Variants in C1S observed in about 807,000 individuals in gnomAD.
C1S encodes complement C1s.
A neutral mutation model predicts 54.0 loss-of-function variants in C1S; 31 were observed. The ratio of observed to expected loss-of-function variants is 0.57; its 90% CI spans 0.43 to 0.78. The LOEUF (loss-of-function observed/expected upper bound fraction) is 0.78, where lower values mean the gene tolerates loss of function less well. Among genes scored for constraint, C1S ranks in the 30% least tolerant of loss-of-function variants. The pLI is 0.00. For missense variants in C1S, 727 were observed against 851.8 expected (o/e 0.85, Z 1.82); for synonymous variants, 292 against 303.6 (o/e 0.96, Z 0.40).
In C1S at chr12:7,070,455, G is replaced by A. The variant is rs1565625171; in HGVS notation, c.1871G>A (p.Gly624Asp). Reference sequence around the variant, plus strand: ...ATGATCTGTGCTGGAGGAGAGAAGGGCATGGATAGCTGTAAAGGGGACAGT... The same window carrying A: ...ATGATCTGTGCTGGAGGAGAGAAGGACATGGATAGCTGTAAAGGGGACAGT... ...PNMICAGGEK[G>D]MDSCKGDSGG... The change falls in exon 12 of 12, where the codon GGC becomes GAC. Residue 624 changes from glycine to aspartate, a missense_variant. Around this residue, in one of 3 missense-constraint regions of C1S, gnomAD observed 360 missense variants for 453.6 expected, o/e 0.79. Transcript: ENST00000360817. This position sits in a 1 kb window ranked among gnomAD's most constrained non-coding sequence, Gnocchi z 4.9. 2 of 1,614,226 alleles carry A rather than the reference G, an allele frequency of 1.2e-6. No homozygotes were observed. The highest frequency in any genetic ancestry group is 1.7e-6 in the Non-Finnish European group (2 of 1,180,040).
Position 7,064,349 on chromosome 12 carries a change from C to T in C1S, c.474C>T (p.Cys158=), listed in dbSNP as rs782133917. 9 of 1,613,838 alleles carry T rather than the reference C, an allele frequency of 5.6e-6. No individual in the cohort carries two copies. The South Asian group carries it at 9.9e-5, about 18-fold the overall frequency. ...TCATTGGTGGTTACTTCTGCTCCTGCCCCCCGGAATATTTCCTCCATGATG... is the reference window on the plus strand; with the variant it reads ...TCATTGGTGGTTACTTCTGCTCCTGTCCCCCGGAATATTTCCTCCATGATG... ...NNFIGGYFCS[C]PPEYFLHDDM... Residue 158 remains cysteine (C), a synonymous_variant, in exon 5 of 12, where the codon TGC becomes TGT. Transcript: ENST00000360817.
At chr12:7,069,446 T>C (rs782095446) in intron 11 of C1S, among the ~76,000 whole-genome samples, 1 of 152,334 alleles carries the variant, frequency 6.6e-6, no homozygotes, top group East Asian at 1.9e-4. Context: ...GGCAGAAATC[T>C]TTCCTCCTCC....
chr12:7,064,849 G>T (rs943330645), intron 5 of C1S, among the ~76,000 whole-genome samples: 1 of 152,122 alleles, frequency 6.6e-6, no homozygotes, highest in Non-Finnish European at 1.5e-5. Context: ...GCCTGTAAAG[G>T]GTCTACTGGG....
At chr12:7,068,773 A>C (rs1184394038) in intron 11 of C1S, 3 of 560,542 alleles carry the variant, frequency 5.4e-6, no homozygotes, top group Non-Finnish European at 9.6e-6. Context: ...GGTGTCTGGT[A>C]ATGTAGCTGC....
At chr12:7,063,131 A>G in intron 4 of C1S, 64 bp downstream of exon 4, 1 of 1,385,738 alleles carries the variant, frequency 7.2e-7, no homozygotes, top group Non-Finnish European at 1.0e-6. Flanking sequence ...TGAGAAATCC[A>G]CTGAGCAACA....
Position 7,064,272 on chromosome 12 carries a change from A to C in C1S, c.397A>C (p.Asn133His), listed in dbSNP as rs1457163464. The C allele has an allele frequency of 1.2e-6, 2 of 1,613,924 alleles. No individual in the cohort carries two copies. Among genetic ancestry groups the C allele is most frequent in the Non-Finnish European group, 1.7e-6 (2 of 1,179,952 alleles). The change falls in exon 5 of 12, where the codon AAT (asparagine) becomes CAT (histidine). Residue 133 changes from asparagine (N) to histidine (H), a missense_variant. Transcript: ENST00000360817. The part of the protein sequence containing the change: ...FAAYYVATDI[N>H]ECTDFVDVPC... ...CCTCTTTCTACTCTTTGTAGACATA[A>C]ATGAATGCACAGATTTTGTAGATGT...
chr12:7,066,427 T>C (rs1937658314), intron 7 of C1S, 91 bp from the exon 8 acceptor site: 1 of 805,610 alleles, frequency 1.2e-6, no homozygotes, highest in East Asian at 2.5e-5. Context: ...AACTGGACGA[T>C]TTTAGAAAGT....
chr12:7,067,988 A>G (rs1937721880), intron 10 of C1S, among the ~76,000 whole-genome samples: 1 of 152,218 alleles, frequency 6.6e-6, no homozygotes, highest in African/African-American at 2.4e-5. Context: ...TCACCAACTG[A>G]GTTCACAGCT....
In C1S at chr12:7,062,879, T is replaced by A; in HGVS notation, c.214-11T>A. The A allele has an allele frequency of 6.2e-7, 1 of 1,613,196 alleles. No homozygotes were observed. The highest frequency in any genetic ancestry group is 8.5e-7 in the Non-Finnish European group (1 of 1,179,660). ...CTTTCCTAGATTTTTTTTTTGTGACTCTTCTCTTAGATAATCTCAGGAGAC... is the reference window on the plus strand; with the variant it reads ...CTTTCCTAGATTTTTTTTTTGTGACACTTCTCTTAGATAATCTCAGGAGAC... On this transcript the variant is annotated splice_polypyrimidine_tract_variant and intron_variant, in intron 3 of 11. Coordinates refer to ENST00000360817, the MANE Select transcript of C1S (RefSeq NM_001734.5).
intron 11 of C1S, among the ~76,000 whole-genome samples, chr12:7,069,287 G>A (rs990878950): frequency 3.3e-5 from 5 of 152,158 alleles, no homozygotes; most frequent in Admixed American, 2.0e-4. Flanking sequence ...AATGGTAATG[G>A]CACCAGTCAC....
At chr12:7,066,807 C>T in intron 8 of C1S, 174 bp downstream of exon 8, 2 of 708,094 alleles carry the variant, frequency 2.8e-6, no homozygotes, top group South Asian at 3.0e-5. Flanking sequence ...AGCTGCCTGG[C>T]CAGCTTGGCA....
In C1S at chr12:7,068,520, A is replaced by C. The variant is rs139493862; in HGVS notation, c.1260A>C (p.Lys420Asn). The change falls in exon 11 of 12, where the codon AAA becomes AAC. Residue 420 changes from lysine to asparagine, a missense_variant. Lys to Asn is a moderately conservative substitution (Grantham distance 94). This residue lies in a region of C1S where 360 missense variants were observed against 453.6 expected (regional missense o/e 0.79). Coordinates refer to ENST00000360817, the MANE Select transcript of C1S (RefSeq NM_001734.5). ...VNEVLGPELP[K>N]CVPVCGVPRE... ...AGGTGCTGGGCCCGGAGCTGCCGAA[A>C]TGTGTTCCAGGTAAGGAGGGCTGAG... 4.3e-5 allele frequency: 70 copies of C among 1,613,016 alleles called. No individual in the cohort carries two copies. Among genetic ancestry groups the C allele is most frequent in the Non-Finnish European group, 5.7e-5 (67 of 1,179,042 alleles).
intron 10 of C1S, among the ~76,000 whole-genome samples, chr12:7,068,188 A>T (rs1937728069): frequency 6.6e-6 from 1 of 152,166 alleles, no homozygotes; most frequent in African/African-American, 2.4e-5. Flanking sequence ...CGTTCTCTGC[A>T]TTGCTCTGTA....
At chr12:7,066,669 C>A in intron 8 of C1S, 36 bp downstream of exon 8, 1 of 1,255,346 alleles carries the variant, frequency 8.0e-7, no homozygotes, top group Non-Finnish European at 1.2e-6. Flanking sequence ...CAGTCCCTGG[C>A]CCCAGATCAG....
Position 7,065,280 on chromosome 12 carries a change from A to G in C1S, c.698A>G (p.Asn233Ser). The change falls in exon 6 of 12, where the codon AAC becomes AGC. Residue 233 changes from asparagine to serine, a missense_variant. Asn to Ser is a conservative substitution (Grantham distance 46). Transcript: ENST00000360817. ...GTGGAAGCAGCTGACTCAGCGGGAA[A>G]CTGCCTTGACAGTTTAGTTGTGCGT... ...FDVEAADSAG[N>S]CLDSLVFVAG... is the part of the protein sequence containing the mutation. The G allele has an allele frequency of 1.2e-6, 2 of 1,613,654 alleles. No individual in the cohort carries two copies. Among genetic ancestry groups the G allele is most frequent in the Non-Finnish European group, 1.7e-6 (2 of 1,179,552 alleles).
Position 7,066,562 on chromosome 12 carries a change from C to G in C1S, c.916C>G (p.Pro306Ala), listed in dbSNP as rs150028612. ...AGACACTCCCAATTCTGTTTGGGAG[C>G]CTGCGAAGGCAAAATATGTCTTTAG... ...KEDTPNSVWE[P>A]AKAKYVFRDV... The change falls in exon 8 of 12, where the codon CCT (proline) becomes GCT (alanine). Residue 306 changes from proline (P) to alanine (A), a missense_variant. This residue lies in a region of C1S where 10 missense variants were observed against 32.8 expected (regional missense o/e 0.30). Transcript: ENST00000360817. The G allele has an allele frequency of 6.2e-7, 1 of 1,613,632 alleles. No individual in the cohort carries two copies. The highest frequency in any genetic ancestry group is 8.5e-7 in the Non-Finnish European group (1 of 1,179,638).
In C1S at chr12:7,069,865, C is replaced by G; in HGVS notation, c.1281C>G (p.Val427=). 6.2e-7 allele frequency: 1 copy of G among 1,613,742 alleles called. No homozygotes were observed. The highest frequency in any genetic ancestry group is 8.5e-7 in the Non-Finnish European group (1 of 1,179,660). ...TTTATTCCTTCCTAGTCTGTGGAGTCCCCAGAGAACCCTTTGAAGAAAAAC... is the reference window on the plus strand; with the variant it reads ...TTTATTCCTTCCTAGTCTGTGGAGTGCCCAGAGAACCCTTTGAAGAAAAAC... ...ELPKCVPVCG[V]PREPFEEKQR... is the part of the protein sequence containing the mutation. The change falls in exon 12 of 12, where the codon GTC becomes GTG. Residue 427 remains valine, a synonymous_variant. Coordinates refer to ENST00000360817, the MANE Select transcript of C1S (RefSeq NM_001734.5).
At chr12:7,061,639 T>C (rs1400558133) in intron 1 of C1S, 200 bp from the exon 2 acceptor site, 5 of 546,124 alleles carry the variant, frequency 9.2e-6, no homozygotes, top group Non-Finnish European at 1.7e-5. Flanking sequence ...GAGGGAAGGA[T>C]ACAATTTAGC....
rs1555162895 is a variant in C1S at position 7,069,876 on chromosome 12, C to A, written c.1292C>A (p.Pro431His). ...CVPVCGVPRE[P>H]FEEKQRIIGG... ...CTAGTCTGTGGAGTCCCCAGAGAAC[C>A]CTTTGAAGAAAAACAGAGGATAATT... The change falls in exon 12 of 12, where the codon CCC (proline) becomes CAC (histidine). Residue 431 changes from proline to histidine, a missense_variant. This residue lies in a region of C1S where 360 missense variants were observed against 453.6 expected (regional missense o/e 0.79). Transcript: ENST00000360817. 6.2e-7 allele frequency: 1 copy of A among 1,614,036 alleles called. No individual in the cohort carries two copies.
Sources: gnomAD v4.1 joint callset for allele counts (sites outside exome capture counted in the v4.1 genomes callset) on GRCh38, gnomAD v4.1.1 for gene constraint, gnomAD v4.1.1 regional missense constraint, Gnocchi (gnomAD v3.1) non-coding constraint, MANE v1.5 for transcripts, NCBI Gene and HGNC (gene_info 2026-07-23, HGNC 2026-07-21) for gene names.